The following EPHA5 variants were observed in gnomAD, a reference collection of about 807,000 sequenced individuals.
EPHA5 encodes ephrin type-A receptor 5.
In EPHA5, 60 loss-of-function variants were observed where a neutral mutation model predicts 105.0. The observed-to-expected ratio is 0.57, with a 90% CI of 0.46 to 0.71. EPHA5 has a LOEUF of 0.71. Ranked by LOEUF, EPHA5 falls within the 30% of genes least tolerant of loss-of-function variation. EPHA5 has a pLI of 0.00. For synonymous variants in EPHA5, 513 were observed against 449.1 expected, an observed-to-expected ratio of 1.14 and a Z score of -1.80; for missense variants, 1,218 against 1,274.7, an observed-to-expected ratio of 0.96 and a Z score of 0.68.
intron 5 of EPHA5, among the ~76,000 whole-genome samples, chr4:65,424,298 C>T (rs1724216756): frequency 6.6e-6 from 1 of 151,982 alleles, no homozygotes; most frequent in African/African-American, 2.4e-5. Flanking sequence ...GATATAGAAA[C>T]CTAGTTTAAG....
intron 3 of EPHA5, among the ~76,000 whole-genome samples, chr4:65,511,229 G>A (rs1256625795): frequency 6.6e-6 from 1 of 152,134 alleles, no homozygotes; most frequent in Admixed American, 6.5e-5. Context: ...AGTACAGGGT[G>A]GAGATGTGGT....
chr4:65,422,017 C>T (rs1336808716), intron 5 of EPHA5, among the ~76,000 whole-genome samples: 2 of 152,066 alleles, frequency 1.3e-5, no homozygotes, highest in Non-Finnish European at 2.9e-5. Flanking sequence ...AATACCAACA[C>T]AGAAACAGCC....
At chr4:65,441,369 T>C (rs912330521) in intron 5 of EPHA5, among the ~76,000 whole-genome samples, 1 of 152,076 alleles carries the variant, frequency 6.6e-6, no homozygotes, top group Non-Finnish European at 1.5e-5. Flanking sequence ...AGTATTTCCA[T>C]AATTTATTTG....
chr4:65,604,726 TG>T (rs1744058760), intron 2 of EPHA5, among the ~76,000 whole-genome samples: 1 of 128,176 alleles, frequency 7.8e-6, no homozygotes, highest in South Asian at 2.7e-4. Context: ...AAATCAGGTA[TG>T]TAAAAAAAAA....
At chr4:65,536,880 A>G (rs1430776592) in intron 3 of EPHA5, among the ~76,000 whole-genome samples, 6 of 151,814 alleles carry the variant, frequency 4.0e-5, no homozygotes, top group Admixed American at 3.9e-4. Context: ...AAAATTAATG[A>G]AATTTGTTTT....
chr4:65,500,815 A>G (rs953607877), intron 3 of EPHA5, among the ~76,000 whole-genome samples: 1 of 76,932 alleles, frequency 1.3e-5, no homozygotes, highest in Non-Finnish European at 2.8e-5. Context: ...ACAGCCATAT[A>G]TGTGTGCGTA....
rs2148896704 is a variant in EPHA5, at chr4:65,367,443, G to C, written c.1794-19C>G. Reference sequence around the variant, plus strand: ...ACACCGCCTGGAACAAAGTAAGCTAGAATTAGCCACATCTGAAAGTGGTGA... The same window carrying C: ...ACACCGCCTGGAACAAAGTAAGCTACAATTAGCCACATCTGAAAGTGGTGA... On this transcript the variant is annotated intron_variant, in intron 8 of 16. Coordinates refer to ENST00000613740, the MANE Select transcript of EPHA5 (RefSeq NM_001281766.3). The C allele has an allele frequency of 6.2e-7, 1 of 1,610,314 alleles. No homozygotes were observed. Among genetic ancestry groups the C allele is most frequent in the Non-Finnish European group, 8.5e-7 (1 of 1,177,964 alleles).
intron 14 of EPHA5, among the ~76,000 whole-genome samples, chr4:65,338,241 G>T (rs2148818440): frequency 6.6e-6 from 1 of 151,954 alleles, no homozygotes; most frequent in East Asian, 1.9e-4. Context: ...TTATTTATTG[G>T]TTTGCTGATT....
chr4:65,471,066 G>A (rs1417200710), intron 5 of EPHA5, among the ~76,000 whole-genome samples: 1 of 152,078 alleles, frequency 6.6e-6, no homozygotes, highest in Non-Finnish European at 1.5e-5. Flanking sequence ...TCCTTTCTTT[G>A]TCTATACATT....
At chr4:65,372,226 G>T (rs1182291525) in intron 8 of EPHA5, among the ~76,000 whole-genome samples, 1 of 151,864 alleles carries the variant, frequency 6.6e-6, no homozygotes, top group East Asian at 1.9e-4. Context: ...AAAGTACTTT[G>T]AATTTTTCAC....
intron 8 of EPHA5, among the ~76,000 whole-genome samples, chr4:65,401,088 A>G (rs959222812): frequency 1.3e-5 from 2 of 151,676 alleles, no homozygotes; most frequent in Non-Finnish European, 2.9e-5. Flanking sequence ...AAAAAAATCA[A>G]TCATGTTTTA....
At chr4:65,487,498 G>A (rs368999638) in intron 5 of EPHA5, among the ~76,000 whole-genome samples, 1 of 152,068 alleles carries the variant, frequency 6.6e-6, no homozygotes. Context: ...CTCCCCAATG[G>A]CTCCCATGGC....
Position 65,323,385 on chromosome 4 carries a change from A to G in EPHA5, c.*729T>C, listed in dbSNP as rs566653084. 8.7e-6 allele frequency: 2 copies of G among 229,808 alleles called. No homozygotes were observed. The highest frequency in any genetic ancestry group is 3.6e-4 in the South Asian group (2 of 5,496). The allele number at this position is 229,808 out of a possible 1,614,324, so 14.2% of individuals were successfully genotyped here. ...TGGTAACACACACATGTGCAAGCAA[A>G]CACACACACAATTCCATCTTAAATC... On this transcript the variant is annotated 3_prime_UTR_variant, in exon 17 of 17. Coordinates refer to ENST00000613740, the MANE Select transcript of EPHA5 (RefSeq NM_001281766.3).
chr4:65,568,731 T>A (rs534978229), intron 3 of EPHA5, among the ~76,000 whole-genome samples: 5 of 151,126 alleles, frequency 3.3e-5, no homozygotes, highest in African/African-American at 1.2e-4. Context: ...TTTATACACT[T>A]TTTCAAACCA....
At chr4:65,434,245 A>G (rs879385603) in intron 5 of EPHA5, among the ~76,000 whole-genome samples, 1 of 152,128 alleles carries the variant, frequency 6.6e-6, no homozygotes, top group Non-Finnish European at 1.5e-5. Flanking sequence ...TCACATTAGC[A>G]AAATTCCTTT....
intron 1 of EPHA5, among the ~76,000 whole-genome samples, chr4:65,656,000 T>A (rs1178828761): frequency 6.6e-6 from 1 of 151,862 alleles, no homozygotes; most frequent in Non-Finnish European, 1.5e-5. Flanking sequence ...AAAAGATGTC[T>A]CAGAAGTACA....
intron 3 of EPHA5, among the ~76,000 whole-genome samples, chr4:65,558,052 T>A (rs1738633784): frequency 6.6e-6 from 1 of 151,994 alleles, no homozygotes; most frequent in African/African-American, 2.4e-5. Flanking sequence ...AACTTTTGTA[T>A]TTTTAGTAGA....
chr4:65,572,856 C>T (rs1163374050), intron 3 of EPHA5, among the ~76,000 whole-genome samples: 3 of 151,162 alleles, frequency 2.0e-5, no homozygotes, highest in Non-Finnish European at 4.4e-5. Flanking sequence ...CATAGCGAAA[C>T]CCCGTCTCTA....
rs1729758765 is a variant in EPHA5 at position 65,475,999 on chromosome 4, A to G, written c.1402+14378T>C. On this transcript the variant is annotated intron_variant, in intron 5 of 16. Coordinates refer to ENST00000613740, the MANE Select transcript of EPHA5 (RefSeq NM_001281766.3). ...AACAACCCTGATTAAGGGTGTCACC[A>G]TTTCCCTAGAGAAAAGAGATAGAAA... Among the ~76,000 whole-genome samples the G allele has an allele frequency of 2.0e-5, 3 of 152,004 alleles. No individual in the cohort carries two copies. In the South Asian group the frequency reaches 6.2e-4, roughly 31 times the overall value.
Sources: allele counts gnomAD v4.1 joint callset (sites outside exome capture counted in the v4.1 genomes callset), GRCh38; gene constraint gnomAD v4.1.1; transcripts MANE v1.5; gene names NCBI Gene and HGNC (gene_info 2026-07-23, HGNC 2026-07-21).